Variants in CAMK4 observed in about 807,000 individuals in gnomAD.
CAMK4 encodes the protein calcium/calmodulin dependent protein kinase IV, also known as calcium/calmodulin-dependent protein kinase type IV.
In CAMK4, 22 loss-of-function variants were observed where a neutral mutation model predicts 44.9. The observed-to-expected ratio is 0.49, with a 90% confidence interval of 0.35 to 0.70. The LOEUF (loss-of-function observed/expected upper bound fraction) is 0.70, where lower values mean the gene tolerates loss of function less well. Ranked by LOEUF, CAMK4 falls within the 30% of genes least tolerant of loss-of-function variation. CAMK4 has a pLI of 0.01. For missense variants in CAMK4, 498 were observed against 586.8 expected (o/e 0.85, Z 1.56); for synonymous variants, 218 against 215.4 (o/e 1.01, Z -0.11).
chr5:111,424,262 G>A (rs1419876680), intron 5 of CAMK4, among the ~76,000 whole-genome samples: 2 of 152,086 alleles, frequency 1.3e-5, no homozygotes, highest in African/African-American at 4.8e-5. Context: ...AAAGACACAG[G>A]TGCATTGCAC....
chr5:111,453,511 A>G (rs537681397), intron 7 of CAMK4, among the ~76,000 whole-genome samples: 3 of 152,280 alleles, frequency 2.0e-5, no homozygotes, highest in African/African-American at 7.2e-5. Context: ...GTCCATTTAT[A>G]GAAGGAGTTG....
Position 111,443,277 on chromosome 5 carries a change from TATAC to T in CAMK4, c.460-3407_460-3404del, listed in dbSNP as rs1214135281. Among the ~76,000 whole-genome samples, 271 of 40,824 alleles carry T rather than the reference TATAC, an allele frequency of 6.6e-3. 1 individual carries two copies. The highest frequency in any genetic ancestry group is 0.016 in the South Asian group (13 of 806). The allele number at this position is 40,824 out of a possible 152,430, so 26.8% of individuals were successfully genotyped here. A position where few individuals can be genotyped will look rare whatever the true frequency, so the allele number is the denominator to read the frequency against. On this transcript the variant is annotated intron_variant, in intron 5 of 10. Coordinates refer to ENST00000282356, the MANE Select transcript of CAMK4 (RefSeq NM_001744.6). Reference sequence around the variant, plus strand: ...ATATATATATATATATATATATATATATACACACACACACACACACACACACACA... The same window carrying T: ...ATATATATATATATATATATATATATACACACACACACACACACACACACA...
At chr5:111,341,693 A>G (rs1749652489) in intron 1 of CAMK4, among the ~76,000 whole-genome samples, 1 of 151,350 alleles carries the variant, frequency 6.6e-6, no homozygotes, top group Admixed American at 6.6e-5. Context: ...TGTGCCAAGT[A>G]TCACTCTAAA....
rs1437156117 is a variant in CAMK4 at position 111,494,491 on chromosome 5, A to G, written c.*10025A>G. ...CTGTTGTAGAGCTACAGTATTCTTC[A>G]ATGGTGGTGACTGACCAGTGAGTTT... On this transcript the variant is annotated 3_prime_UTR_variant, in exon 11 of 11. Transcript: ENST00000282356. 1 of 152,172 alleles carries G rather than the reference A, an allele frequency of 6.6e-6. No homozygotes were observed. Among genetic ancestry groups the G allele is most frequent in the African/African-American group, 2.4e-5 (1 of 41,458 alleles). The allele number at this position is 152,172 out of a possible 1,614,324, so 9.4% of individuals were successfully genotyped here.
intron 1 of CAMK4, among the ~76,000 whole-genome samples, chr5:111,285,182 A>G (rs1580531068): frequency 6.6e-6 from 1 of 152,220 alleles, no homozygotes; most frequent in South Asian, 2.1e-4. Context: ...TAGAAGGAAA[A>G]CAGTACTCTG....
At chr5:111,475,694 A>G (rs1474893599) in intron 8 of CAMK4, among the ~76,000 whole-genome samples, 1 of 152,244 alleles carries the variant, frequency 6.6e-6, no homozygotes. Context: ...GTTTTTGGCT[A>G]ACTTCTGTCA....
chr5:111,419,001 C>T (rs1752920742), intron 5 of CAMK4, among the ~76,000 whole-genome samples: 1 of 152,030 alleles, frequency 6.6e-6, no homozygotes, highest in Non-Finnish European at 1.5e-5. Context: ...AGTTCTAGAT[C>T]CCTGAGGAAT....
At chr5:111,458,546 T>C (rs964267274) in intron 7 of CAMK4, among the ~76,000 whole-genome samples, 19 of 150,770 alleles carry the variant, frequency 1.3e-4, no homozygotes, top group African/African-American at 4.6e-4. Context: ...CCAAAAGAAC[T>C]CTTCCTTAAG....
intron 4 of CAMK4, 133 bp downstream of exon 4, chr5:111,377,075 C>T (rs3797754): frequency 0.056 from 31,142 of 555,506 alleles, 1,492 homozygotes; most frequent in East Asian, 0.21. Flanking sequence ...TAAAAAAAGT[C>T]TTAAGAAGAA....
At chr5:111,475,030 G>C (rs886575658) in intron 8 of CAMK4, among the ~76,000 whole-genome samples, 2 of 152,178 alleles carry the variant, frequency 1.3e-5, no homozygotes, top group African/African-American at 4.8e-5. Flanking sequence ...GGGTGTGGTA[G>C]TGGGCGCCTG....
intron 1 of CAMK4, among the ~76,000 whole-genome samples, chr5:111,334,037 G>A (rs1269826983): frequency 6.6e-6 from 1 of 151,536 alleles, no homozygotes; most frequent in Non-Finnish European, 1.5e-5. Flanking sequence ...GCAAGTAAAT[G>A]AACCTGATAA....
At chr5:111,461,127 A>C (rs1031268921) in intron 7 of CAMK4, among the ~76,000 whole-genome samples, 3 of 152,148 alleles carry the variant, frequency 2.0e-5, no homozygotes, top group Non-Finnish European at 4.4e-5. Context: ...GTTAGAACAT[A>C]AAGTATATCA....
intron 5 of CAMK4, among the ~76,000 whole-genome samples, chr5:111,442,006 G>A (rs983914201): frequency 6.6e-6 from 1 of 152,138 alleles, no homozygotes; most frequent in Non-Finnish European, 1.5e-5. Flanking sequence ...TATTAGAAGT[G>A]TGTATTTCAT....
intron 1 of CAMK4, among the ~76,000 whole-genome samples, chr5:111,312,564 T>C (rs1339840875): frequency 6.6e-6 from 1 of 152,144 alleles, no homozygotes; most frequent in Non-Finnish European, 1.5e-5. Flanking sequence ...AGTCAGTGTA[T>C]CTAGAGTCTT....
chr5:111,459,686 C>CTTTTTTTTTTTTTTTTTTT (rs56176713), intron 7 of CAMK4, among the ~76,000 whole-genome samples: 9 of 86,688 alleles, frequency 1.0e-4, no homozygotes, highest in African/African-American at 4.5e-4. Flanking sequence ...TAGAGACAGT[C>CTTTTTTTTTTTTTTTTTTT]TTTTTTTTTT....
chr5:111,407,683 T>A (rs1433947934), intron 5 of CAMK4, among the ~76,000 whole-genome samples: 1 of 152,232 alleles, frequency 6.6e-6, no homozygotes, highest in African/African-American at 2.4e-5. Context: ...TCTTATGATA[T>A]TCAATGCTCT....
chr5:111,344,592 A>C (rs1749792857), intron 2 of CAMK4, among the ~76,000 whole-genome samples: 1 of 151,798 alleles, frequency 6.6e-6, no homozygotes, highest in African/African-American at 2.4e-5. Context: ...CAAATGTTGC[A>C]CTTGCTTCAG....
intron 1 of CAMK4, among the ~76,000 whole-genome samples, chr5:111,229,666 T>C (rs573487947): frequency 1.3e-5 from 2 of 152,360 alleles, no homozygotes; most frequent in South Asian, 2.1e-4. Flanking sequence ...GTAGGTATAC[T>C]GCTGGCTTCT....
At chr5:111,394,174 T>G (rs957887119) in intron 4 of CAMK4, among the ~76,000 whole-genome samples, 1 of 152,158 alleles carries the variant, frequency 6.6e-6, no homozygotes, top group Admixed American at 6.5e-5. Flanking sequence ...ACACTGCATA[T>G]TTGATAATAT....
Sources: gnomAD v4.1 joint callset for allele counts (sites outside exome capture counted in the v4.1 genomes callset) on GRCh38, gnomAD v4.1.1 for gene constraint, MANE v1.5 for transcripts, NCBI Gene and HGNC (gene_info 2026-07-23, HGNC 2026-07-21) for gene names.